The following ACSS1 variants were observed in gnomAD, a reference collection of about 807,000 sequenced individuals.
ACSS1 encodes the protein acetyl-coenzyme A synthetase 2-like, mitochondrial.
ACSS1 carries 42 observed loss-of-function variants against 75.3 expected under a neutral mutation model. The ratio of observed to expected loss-of-function variants is 0.56; its 90% CI spans 0.44 to 0.72. ACSS1 has a LOEUF of 0.72. ACSS1 is among the 30% of genes least tolerant of loss of function. The pLI, the probability that ACSS1 is intolerant of heterozygous loss-of-function variation, is 0.00. For missense variants in ACSS1, 782 were observed against 935.7 expected (o/e 0.84, Z 2.14); for synonymous variants, 380 against 376.8 (o/e 1.01, Z -0.10).
intron 3 of ACSS1, among the ~76,000 whole-genome samples, chr20:25,030,124 T>C (rs1048806502): frequency 6.6e-6 from 1 of 152,218 alleles, no homozygotes; most frequent in Admixed American, 6.5e-5. Flanking sequence ...ACAAGAATTC[T>C]CAATGGCACC....
At chr20:25,032,557 G>A (rs915130031) in intron 2 of ACSS1, 114 of 1,248,864 alleles carry the variant, frequency 9.1e-5, no homozygotes, top group Non-Finnish European at 1.1e-4. Flanking sequence ...GGAAGCCAAG[G>A]CCCTTTCTCT....
chr20:25,053,643 G>A (rs938012031), intron 1 of ACSS1, among the ~76,000 whole-genome samples: 4 of 152,094 alleles, frequency 2.6e-5, no homozygotes, highest in African/African-American at 4.8e-5. Flanking sequence ...GCGTCTTGCC[G>A]CTGTCAGTGT....
rs187369431 is a variant in ACSS1, at chr20:25,036,924, C to T, written c.432-5966G>A. Among the ~76,000 whole-genome samples the T allele has an allele frequency of 3.2e-4, 45 of 142,110 alleles. No individual in the cohort carries two copies. In the East Asian group the frequency reaches 8.2e-3, roughly 26 times the overall value. 93.2% of individuals were successfully genotyped at this position (142,110 alleles called of 152,430 possible). A position where few individuals can be genotyped will look rare whatever the true frequency, so the allele number is the denominator to read the frequency against. On this transcript the variant is annotated intron_variant, in intron 2 of 13. Transcript: ENST00000323482. ...GAACTGAGATCCCATCACTGCACTG[C>T]AGCCTGGGTGACAGAGCTAGACTCT...
chr20:25,032,494 A>C, intron 2 of ACSS1: 2 of 1,275,732 alleles, frequency 1.6e-6, no homozygotes, highest in South Asian at 2.8e-5. Context: ...TGCTGTACTG[A>C]CTTTAATTAA....
At chr20:25,022,813 C>T (rs539948303) in intron 5 of ACSS1, 127 bp downstream of exon 5, 12 of 1,327,180 alleles carry the variant, frequency 9.0e-6, no homozygotes, top group Non-Finnish European at 1.2e-5. Flanking sequence ...GGCCCTGCCC[C>T]GAATAGGCCA....
chr20:25,020,003 C>T lies in ACSS1; in HGVS notation c.1246+7G>A, dbSNP rs755726325. On this transcript the variant is annotated splice_region_variant and intron_variant, in intron 7 of 13. Coordinates refer to ENST00000323482, the MANE Select transcript of ACSS1 (RefSeq NM_032501.4). ...CAACCTCTCCTGCTGCAGGGCAGGCCGCTCACCTGACCCCAGGGTCCGCAG... is the reference window on the plus strand; with the variant it reads ...CAACCTCTCCTGCTGCAGGGCAGGCTGCTCACCTGACCCCAGGGTCCGCAG... The T allele has an allele frequency of 1.7e-5, 28 of 1,614,006 alleles. No individual in the cohort carries two copies. The highest frequency in any genetic ancestry group is 4.0e-5 in the African/African-American group (3 of 74,938).
chr20:25,012,845 G>T lies in ACSS1; in HGVS notation c.1674C>A (p.His558Gln), dbSNP rs2088436700. ...RMDDVINISG[H>Q]RLGTAEIEDA... The stretch of plus-strand genomic sequence containing the variant: ...CCTCAATCTCTGCGGTCCCCAGCCG[G>T]TGGCCACTGATGTTGATGACATCAT... Residue 558 changes from histidine to glutamine, a missense_variant, in exon 11 of 14, where the codon CAC becomes CAA. This residue lies in a region of ACSS1 where 405 missense variants were observed against 552.6 expected (regional missense o/e 0.73). Coordinates refer to ENST00000323482, the MANE Select transcript of ACSS1 (RefSeq NM_032501.4). 1 of 1,614,048 alleles carries T rather than the reference G, an allele frequency of 6.2e-7. No individual in the cohort carries two copies. Among genetic ancestry groups the T allele is most frequent in the Non-Finnish European group, 8.5e-7 (1 of 1,180,044 alleles).
chr20:25,007,826 C>G lies in ACSS1; in HGVS notation c.2006G>C (p.Ser669Thr), dbSNP rs201279440. The change falls in exon 14 of 14, where the codon AGC (serine) becomes ACC (threonine). Residue 669 changes from serine to threonine, a missense_variant. Transcript: ENST00000323482. The stretch of plus-strand genomic sequence containing the variant: ...GACACTCAGGATCTCTGCGATGATG[C>G]TGGGGTCCTCCAAGGTGGTAGTGTC... ...LGDTTTLEDP[S>T]IIAEILSVYQ... 3.3e-5 allele frequency: 53 copies of G among 1,614,188 alleles called. No homozygotes were observed. In the East Asian group the frequency reaches 1.1e-3, roughly 34 times the overall value.
chr20:25,012,985 A>G, intron 10 of ACSS1, 46 bp from the exon 11 acceptor site: 1 of 1,612,938 alleles, frequency 6.2e-7, no homozygotes, highest in Non-Finnish European at 8.5e-7. Flanking sequence ...CTGAGCCAGG[A>G]CCCATGTCCC....
At chr20:25,054,669 C>T (rs2089219100) in intron 1 of ACSS1, among the ~76,000 whole-genome samples, 1 of 152,338 alleles carries the variant, frequency 6.6e-6, no homozygotes, top group Non-Finnish European at 1.5e-5. Flanking sequence ...CAAGTTGTCC[C>T]AAACAAGGCT....
chr20:25,046,604 C>T, intron 2 of ACSS1: 1 of 575,596 alleles, frequency 1.7e-6, no homozygotes, highest in South Asian at 2.0e-5. Context: ...AGCCCCCGAC[C>T]CCCAACAGAG....
At chr20:25,020,590 C>T (rs2088606113) in intron 6 of ACSS1, among the ~76,000 whole-genome samples, 2 of 152,216 alleles carry the variant, frequency 1.3e-5, no homozygotes, top group Non-Finnish European at 2.9e-5. Flanking sequence ...GCATGCACAC[C>T]CCTGGTTCCT....
intron 2 of ACSS1, among the ~76,000 whole-genome samples, chr20:25,039,643 C>T (rs1220816411): frequency 6.6e-6 from 1 of 152,220 alleles, no homozygotes; most frequent in Admixed American, 6.5e-5. Context: ...CATGCCTCCC[C>T]AGGCACAGGC....
chr20:25,009,336 C>A lies in ACSS1; in HGVS notation c.1824G>T (p.Val608=). ...CCACCATGGACTTGAGCTCCTGCAC[C>A]ACCACATCTGAGTCACCCGCACTAT... ...VKDSAGDSDV[V]VQELKSMVAT... Residue 608 remains valine, a synonymous_variant, in exon 13 of 14, where the codon GTG becomes GTT. Coordinates refer to ENST00000323482, the MANE Select transcript of ACSS1 (RefSeq NM_032501.4). The A allele has an allele frequency of 6.2e-7, 1 of 1,614,206 alleles. No homozygotes were observed. Among genetic ancestry groups the A allele is most frequent in the Non-Finnish European group, 8.5e-7 (1 of 1,180,046 alleles).
chr20:25,040,162 C>A (rs969286000), intron 2 of ACSS1, among the ~76,000 whole-genome samples: 2 of 152,074 alleles, frequency 1.3e-5, no homozygotes, highest in Admixed American at 6.5e-5. Flanking sequence ...AAAAAAAAAA[C>A]CACAGGAGAT....
chr20:25,007,566 G>A lies in ACSS1; in HGVS notation c.*196C>T. Reference sequence around the variant, plus strand: ...AGCCATGTCGCATAGCCTCTCCATGGGTGACACTCCTGGGACCTCCAATGG... The same window carrying A: ...AGCCATGTCGCATAGCCTCTCCATGAGTGACACTCCTGGGACCTCCAATGG... On this transcript the variant is annotated 3_prime_UTR_variant, in exon 14 of 14. Coordinates refer to ENST00000323482, the MANE Select transcript of ACSS1 (RefSeq NM_032501.4). 1 of 1,425,980 alleles carries A rather than the reference G, an allele frequency of 7.0e-7. No homozygotes were observed. The highest frequency in any genetic ancestry group is 9.1e-7 in the Non-Finnish European group (1 of 1,093,790). 88.3% of individuals were successfully genotyped at this position (1,425,980 alleles called of 1,614,324 possible). A position where few individuals can be genotyped will look rare whatever the true frequency, so the allele number is the denominator to read the frequency against.
chr20:25,056,659 G>A (rs1252011488), intron 1 of ACSS1, among the ~76,000 whole-genome samples: 3 of 152,148 alleles, frequency 2.0e-5, no homozygotes, highest in African/African-American at 7.2e-5. Context: ...GGAGACTGAG[G>A]GCTGGGGGGG....
At chr20:25,035,714 G>A (rs2088899039) in intron 2 of ACSS1, among the ~76,000 whole-genome samples, 1 of 152,130 alleles carries the variant, frequency 6.6e-6, no homozygotes, top group Non-Finnish European at 1.5e-5. Flanking sequence ...AATTTTTGAA[G>A]CCTGGATTTT....
chr20:25,045,771 CT>C (rs1349339613), intron 2 of ACSS1, among the ~76,000 whole-genome samples: 3 of 152,216 alleles, frequency 2.0e-5, no homozygotes, highest in Non-Finnish European at 4.4e-5. Context: ...CATCAGAAAC[CT>C]AGCCTGACCA....
Sources: allele counts gnomAD v4.1 joint callset (sites outside exome capture counted in the v4.1 genomes callset), GRCh38; gene constraint gnomAD v4.1.1; regional missense constraint gnomAD v4.1.1; transcripts MANE v1.5; gene names NCBI Gene and HGNC (gene_info 2026-07-23, HGNC 2026-07-21).